Variants in RAB6A observed in about 807,000 individuals in gnomAD.
The protein encoded by RAB6A is ras-related protein Rab-6A.
Under a neutral mutation model 32.3 loss-of-function variants are expected in RAB6A, and 8 were observed. That is an observed-to-expected ratio of 0.25 (90% CI 0.15 to 0.45). The LOEUF (loss-of-function observed/expected upper bound fraction) is 0.45, where lower values mean the gene tolerates loss of function less well. Ranked by LOEUF, RAB6A falls within the 20% of genes least tolerant of loss-of-function variation. The pLI is 1.00. For synonymous variants in RAB6A, 73 were observed against 82.1 expected (o/e 0.89, Z 0.60); for missense variants, 104 against 249.4 (o/e 0.42, Z 3.93).
chr11:73,759,920 C>G (rs1249325906), intron 1 of RAB6A: 1 of 768,720 alleles, frequency 1.3e-6, no homozygotes, highest in East Asian at 6.9e-5. Context: ...ACTGCCGACG[C>G]TACCCCTTTC....
intron 6 of RAB6A, among the ~76,000 whole-genome samples, chr11:73,692,763 T>C (rs1243647910): frequency 8.9e-6 from 1 of 111,744 alleles, no homozygotes; most frequent in Non-Finnish European, 1.7e-5. Flanking sequence ...GCTAACACGG[T>C]GAAACCCTGT....
intron 2 of RAB6A, chr11:73,730,046 G>C (rs1371795599): frequency 6.6e-6 from 1 of 152,216 alleles, no homozygotes; most frequent in African/African-American, 2.4e-5. Flanking sequence ...CTTCTCTTGG[G>C]ATCTGTGAGT....
chr11:73,716,447 G>C (rs1946054519), intron 4 of RAB6A, 85 bp from the exon 5 acceptor site: 7 of 878,944 alleles, frequency 8.0e-6, no homozygotes, highest in Non-Finnish European at 1.3e-5. Context: ...AAAAAGCCCT[G>C]GAAGTTGGAA....
intron 5 of RAB6A, among the ~76,000 whole-genome samples, chr11:73,715,694 T>TTAA (rs1467394704): frequency 6.6e-6 from 1 of 152,236 alleles, no homozygotes; most frequent in Non-Finnish European, 1.5e-5. Flanking sequence ...CTACAGTGAA[T>TTAA]GTTAATATAT....
intron 2 of RAB6A, among the ~76,000 whole-genome samples, chr11:73,725,241 G>A (rs1302415758): frequency 1.3e-5 from 2 of 152,208 alleles, no homozygotes; most frequent in African/African-American, 4.8e-5. Flanking sequence ...TAGCTTTTGA[G>A]GAGTACAGAG....
intron 1 of RAB6A, among the ~76,000 whole-genome samples, chr11:73,757,472 T>A (rs1211970178): frequency 6.6e-6 from 1 of 151,996 alleles, no homozygotes; most frequent in Non-Finnish European, 1.5e-5. Flanking sequence ...GCACCCAGCC[T>A]AGTATCTTAA....
In RAB6A at chr11:73,677,699, TATAA is replaced by T. The variant is rs1945289789; in HGVS notation, c.*195_*198del. 7.3e-7 allele frequency: 1 copy of T among 1,378,244 alleles called. No homozygotes were observed. The highest frequency in any genetic ancestry group is 1.5e-5 in the African/African-American group (1 of 68,656). The allele number at this position is 1,378,244 out of a possible 1,614,324, so 85.4% of individuals were successfully genotyped here. A position where few individuals can be genotyped will look rare whatever the true frequency, so the allele number is the denominator to read the frequency against. ...TGAAATATTTTGGCTTTTTGTAAAA[TATAA>T]ATAATGAAGACACTGACTTTTGTTG... On this transcript the variant is annotated 3_prime_UTR_variant, in exon 8 of 8. Transcript: ENST00000336083.
chr11:73,729,660 C>T (rs1946275041), intron 2 of RAB6A: 1 of 152,124 alleles, frequency 6.6e-6, no homozygotes, highest in Non-Finnish European at 1.5e-5. Context: ...CATCAGGGTC[C>T]TTGCTGACAC....
chr11:73,711,968 C>CT (rs1382330018), intron 5 of RAB6A, among the ~76,000 whole-genome samples: 1 of 152,102 alleles, frequency 6.6e-6, no homozygotes, highest in Non-Finnish European at 1.5e-5. Context: ...TGATGTTTAT[C>CT]TTTTTTCTTC....
chr11:73,710,134 G>GT lies in RAB6A; in HGVS notation c.402-2622dup, dbSNP rs60147602. 3.8e-3 allele frequency among the ~76,000 whole-genome samples: 526 copies of GT among 140,038 alleles called. 5 individuals are homozygous for GT. Among genetic ancestry groups the GT allele is most frequent in the African/African-American group, 0.012 (476 of 38,390 alleles). The allele number at this position is 140,038 out of a possible 152,430, so 91.9% of individuals were successfully genotyped here. On this transcript the variant is annotated intron_variant, in intron 5 of 7. Transcript: ENST00000336083. Reference sequence around the variant, plus strand: ...CCACCACACCCGGCTAATTTTTTGTGTTTTTTTTTTTTTAGCAGAGACGGG... The same window carrying GT: ...CCACCACACCCGGCTAATTTTTTGTGTTTTTTTTTTTTTTAGCAGAGACGGG...
intron 1 of RAB6A, among the ~76,000 whole-genome samples, chr11:73,732,502 C>T (rs60074535): frequency 6.6e-6 from 1 of 152,154 alleles, no homozygotes; most frequent in Non-Finnish European, 1.5e-5. Flanking sequence ...AGGAGAATGG[C>T]GTGAACCCGG....
chr11:73,695,428 G>A (rs895403559), intron 6 of RAB6A, among the ~76,000 whole-genome samples: 4 of 150,900 alleles, frequency 2.7e-5, no homozygotes, highest in African/African-American at 9.7e-5. Flanking sequence ...CACCCAGGCT[G>A]GAATACAGTG....
chr11:73,735,972 C>T (rs1345889834), intron 1 of RAB6A, among the ~76,000 whole-genome samples: 1 of 146,010 alleles, frequency 6.8e-6, no homozygotes, highest in African/African-American at 2.5e-5. Flanking sequence ...AAATCACATA[C>T]CATACAATTC....
At chr11:73,728,714 A>G (rs9634024) in intron 2 of RAB6A, among the ~76,000 whole-genome samples, 138,030 of 150,872 alleles carry the variant, frequency 0.91, 63,311 homozygotes, top group East Asian at 1. Flanking sequence ...GTTGTATTTT[A>G]TTGACAATTT....
In RAB6A at chr11:73,707,944, C is replaced by T. The variant is rs192350738; in HGVS notation, c.402-431G>A. On this transcript the variant is annotated intron_variant, in intron 5 of 7. Coordinates refer to ENST00000336083, the MANE Select transcript of RAB6A (RefSeq NM_198896.2). Reference sequence around the variant, plus strand: ...AACGCTTAATAGCTTGCCTCTTTCCCTTAATATCAGACCACAGGCTTTTAG... The same window carrying T: ...AACGCTTAATAGCTTGCCTCTTTCCTTTAATATCAGACCACAGGCTTTTAG... Among the ~76,000 whole-genome samples the T allele has an allele frequency of 2.0e-3, 303 of 152,280 alleles. 2 individuals are homozygous for T. Among genetic ancestry groups the T allele is most frequent in the African/African-American group, 6.8e-3 (282 of 41,574 alleles).
chr11:73,696,297 A>T (rs1032798635), intron 6 of RAB6A, among the ~76,000 whole-genome samples: 1 of 152,114 alleles, frequency 6.6e-6, no homozygotes, highest in African/African-American at 2.4e-5. Flanking sequence ...TCCTGGGTTC[A>T]GGCAATTCTC....
intron 4 of RAB6A, among the ~76,000 whole-genome samples, chr11:73,717,402 G>A (rs1178263475): frequency 6.6e-6 from 1 of 152,194 alleles, no homozygotes; most frequent in Non-Finnish European, 1.5e-5. Context: ...TACTGGGCTG[G>A]GCACAATGGT....
At chr11:73,740,872 A>T (rs777484006) in intron 1 of RAB6A, among the ~76,000 whole-genome samples, 6 of 149,788 alleles carry the variant, frequency 4.0e-5, no homozygotes, top group Non-Finnish European at 3.0e-5. Context: ...TGGGCAACAG[A>T]GTGAGACTCT....
intron 6 of RAB6A, among the ~76,000 whole-genome samples, chr11:73,684,460 C>T (rs949319849): frequency 3.9e-5 from 6 of 152,162 alleles, no homozygotes; most frequent in East Asian, 1.9e-4. Context: ...TGAGCCACCA[C>T]GTGTGGCCAG....
Sources: allele counts gnomAD v4.1 joint callset (sites outside exome capture counted in the v4.1 genomes callset), GRCh38; gene constraint gnomAD v4.1.1; transcripts MANE v1.5; gene names NCBI Gene and HGNC (gene_info 2026-07-23, HGNC 2026-07-21).